INPP5D: variants seen among roughly 807,000 people sequenced by gnomAD.
INPP5D encodes the protein phosphatidylinositol 3,4,5-trisphosphate 5-phosphatase 1.
Under a neutral mutation model 122.9 loss-of-function variants are expected in INPP5D, and 33 were observed. The observed-to-expected ratio is 0.27, with a 90% CI of 0.20 to 0.36. The LOEUF (loss-of-function observed/expected upper bound fraction) is 0.36. INPP5D is among the 10% of genes least tolerant of loss of function. INPP5D has a pLI of 1.00. For synonymous variants in INPP5D, 584 were observed against 576.2 expected (o/e 1.01, Z -0.19); for missense variants, 1,053 against 1,412.7 (o/e 0.75, Z 4.08).
At position 233,204,682 on chromosome 2, in the gene INPP5D, G is replaced by A. The variant is rs1297367786; in HGVS notation, c.3532G>A (p.Gly1178Arg). The change falls in exon 26 of 27, where the codon GGG becomes AGG. Residue 1178 changes from glycine to arginine, a missense_variant. By Grantham distance (125) the Gly-to-Arg change is moderately radical. Coordinates refer to ENST00000445964, the MANE Select transcript of INPP5D (RefSeq NM_001017915.3). Reference sequence around the variant, plus strand: ...TCACGGCAAGCACCGGCCGGAGGAGGGGCCACCAGGGCCTCTAGGCAGGAC... The same window carrying A: ...TCACGGCAAGCACCGGCCGGAGGAGAGGCCACCAGGGCCTCTAGGCAGGAC... ...PHHGKHRPEE[G>R]PPGPLGRTAM... 2 of 1,559,670 alleles carry A rather than the reference G, an allele frequency of 1.3e-6. No homozygotes were observed. Among genetic ancestry groups the A allele is most frequent in the East Asian group, 2.3e-5 (1 of 43,042 alleles).
intron 22 of INPP5D, among the ~76,000 whole-genome samples, chr2:233,192,473 C>T (rs1161998633): frequency 1.3e-5 from 2 of 152,184 alleles, no homozygotes; most frequent in South Asian, 2.1e-4. Context: ...TTCATACTTA[C>T]ATCACAGAAA....
At chr2:233,129,483 G>T (rs952815943) in intron 4 of INPP5D, among the ~76,000 whole-genome samples, 2 of 152,220 alleles carry the variant, frequency 1.3e-5, no homozygotes, top group Non-Finnish European at 1.5e-5. Flanking sequence ...TTTAGGGGGC[G>T]CCCCTCGTGG....
At chr2:233,196,454 C>A (rs568718896) in intron 24 of INPP5D, among the ~76,000 whole-genome samples, 7 of 152,168 alleles carry the variant, frequency 4.6e-5, no homozygotes, top group Non-Finnish European at 7.3e-5. Flanking sequence ...GAAGTGACTG[C>A]GGAGAGAATG....
intron 5 of INPP5D, chr2:233,134,115 G>C: frequency 4.7e-6 from 2 of 428,164 alleles, no homozygotes; most frequent in South Asian, 3.3e-5. Flanking sequence ...GGGGCTGAGT[G>C]GATGCTGATG....
chr2:233,143,644 A>G (rs1373430781), intron 6 of INPP5D, among the ~76,000 whole-genome samples: 6 of 152,258 alleles, frequency 3.9e-5, no homozygotes, highest in African/African-American at 7.2e-5. Context: ...AGCTTTATTA[A>G]GAAGCAAGGG....
chr2:233,187,161 G>A (rs1694943182), intron 21 of INPP5D, among the ~76,000 whole-genome samples: 1 of 151,472 alleles, frequency 6.6e-6, no homozygotes, highest in Admixed American at 6.6e-5. Flanking sequence ...TCCAGCCTGG[G>A]TGATGCAGTG....
chr2:233,078,677 T>TTTTTG lies in INPP5D; in HGVS notation c.135-637_135-633dup, dbSNP rs376630143. ...CAAACACCCCCTCTTTTTTGTTGTT[T>TTTTTG]TTTTGTTTTGTTTTGTTTTGTTTTG... On this transcript the variant is annotated intron_variant, in intron 1 of 26. Coordinates refer to ENST00000445964, the MANE Select transcript of INPP5D (RefSeq NM_001017915.3). This position sits in a 1 kb window ranked among gnomAD's most constrained non-coding sequence, Gnocchi z 4.6. Among the ~76,000 whole-genome samples the TTTTTG allele has an allele frequency of 0.081, 12,216 of 151,588 alleles. 828 individuals carry two copies. Among genetic ancestry groups the TTTTTG allele is most frequent in the African/African-American group, 0.18 (7,472 of 41,094 alleles).
chr2:233,090,861 G>A (rs1271369576), intron 2 of INPP5D, among the ~76,000 whole-genome samples: 11 of 152,034 alleles, frequency 7.2e-5, no homozygotes, highest in Admixed American at 4.6e-4. Flanking sequence ...GGAGGCTGAG[G>A]GAAGAAGAAT....
chr2:233,085,321 GGCTGCA>G (rs1691801709), intron 2 of INPP5D, among the ~76,000 whole-genome samples: 1 of 151,948 alleles, frequency 6.6e-6, no homozygotes, highest in Admixed American at 6.6e-5. Context: ...GAGAGGCAGA[GGCTGCA>G]GCGAGCTGAG....
rs981864277 is a variant in INPP5D, at chr2:233,207,667, G to C, written c.*959G>C. ...GGCTGCCAGGGAGGGTGGGCCTCTT[G>C]GTTCCAGGCTCTTGAAATAGTGCAG... On this transcript the variant is annotated 3_prime_UTR_variant, in exon 27 of 27. Coordinates refer to ENST00000445964, the MANE Select transcript of INPP5D (RefSeq NM_001017915.3). This position sits in a 1 kb window ranked among gnomAD's most constrained non-coding sequence, Gnocchi z 4.6. 1.3e-5 allele frequency: 2 copies of C among 152,352 alleles called. No homozygotes were observed. Among genetic ancestry groups the C allele is most frequent in the African/African-American group, 4.8e-5 (2 of 41,456 alleles). The allele number at this position is 152,352 out of a possible 1,614,324, so 9.4% of individuals were successfully genotyped here. A position where few individuals can be genotyped will look rare whatever the true frequency, so the allele number is the denominator to read the frequency against.
At position 233,164,253 on chromosome 2, in the gene INPP5D, C is replaced by A; in HGVS notation, c.1438-54C>A. On this transcript the variant is annotated intron_variant, in intron 12 of 26. Coordinates refer to ENST00000445964, the MANE Select transcript of INPP5D (RefSeq NM_001017915.3). This position sits in a 1 kb window ranked among gnomAD's most constrained non-coding sequence, Gnocchi z 4.3. ...TGGGGCTGGGTGTGAATCACTGTGCCCTGGTTCACACCCTACACTTGGGCC... is the reference window on the plus strand; with the variant it reads ...TGGGGCTGGGTGTGAATCACTGTGCACTGGTTCACACCCTACACTTGGGCC... The A allele has an allele frequency of 6.6e-7, 1 of 1,505,886 alleles. No individual in the cohort carries two copies. 93.3% of individuals were successfully genotyped at this position (1,505,886 alleles called of 1,614,324 possible).
chr2:233,107,085 A>G (rs1692485752), intron 2 of INPP5D, among the ~76,000 whole-genome samples: 1 of 152,168 alleles, frequency 6.6e-6, no homozygotes, highest in Non-Finnish European at 1.5e-5. Flanking sequence ...TGATCTCAAC[A>G]TCCCAGTGGG....
At chr2:233,151,278 C>T (rs1284807754) in intron 9 of INPP5D, among the ~76,000 whole-genome samples, 2 of 151,732 alleles carry the variant, frequency 1.3e-5, no homozygotes, top group Non-Finnish European at 2.9e-5. Context: ...TTTGAGTTCA[C>T]CCTGAGCAAC....
In INPP5D at chr2:233,125,847, G is replaced by T. The variant is rs758777451; in HGVS notation, c.452G>T (p.Arg151Leu). 4.3e-6 allele frequency: 7 copies of T among 1,613,734 alleles called. No homozygotes were observed. The highest frequency in any genetic ancestry group is 5.9e-6 in the Non-Finnish European group (7 of 1,179,830). The stretch of plus-strand genomic sequence containing the variant: ...GTTCCTTTTTCAAACGAGAATCCCC[G>T]AGCGACCGAGACCAGCCGGCCGAGC... ...KEVPFSNENP[R>L]ATETSRPSLS... Residue 151 changes from arginine to leucine, a missense_variant, in exon 4 of 27, where the codon CGA (arginine) becomes CTA (leucine). Around this residue, in one of 6 missense-constraint regions of INPP5D, gnomAD observed 196 missense variants for 175.6 expected, o/e 1.12. Transcript: ENST00000445964.
rs758316571 is a variant in INPP5D, at chr2:233,204,259, C to G, written c.3109C>G (p.Gln1037Glu). 1.9e-6 allele frequency: 3 copies of G among 1,613,436 alleles called. No homozygotes were observed. The highest frequency in any genetic ancestry group is 1.3e-5 in the African/African-American group (1 of 74,906). ...CCCTAAGCCTGCTCCCAGGAAGGAC[C>G]AGGAATCCCCCAAAATGCCGCGGAA... ...SFPKPAPRKD[Q>E]ESPKMPRKEP... is the part of the protein sequence containing the mutation. Residue 1037 changes from glutamine (Q) to glutamate (E), a missense_variant, in exon 26 of 27, where the codon CAG becomes GAG. Gln to Glu is a conservative substitution (Grantham distance 29). Around this residue, in one of 6 missense-constraint regions of INPP5D, gnomAD observed 417 missense variants for 425.8 expected, o/e 0.98. Coordinates refer to ENST00000445964, the MANE Select transcript of INPP5D (RefSeq NM_001017915.3).
chr2:233,174,571 C>A (rs1454227370), intron 17 of INPP5D, among the ~76,000 whole-genome samples: 1 of 152,164 alleles, frequency 6.6e-6, no homozygotes, highest in African/African-American at 2.4e-5. Context: ...GCAGGTAAAT[C>A]ATTTGAGGCC....
rs1355517128 is a variant in INPP5D at position 233,207,739 on chromosome 2, T to A, written c.*1031T>A. ...GCTTTCAGCTCTGCTTCCTTGGTTA[T>A]TAGGAGAATAGATGGGTGATGTCTT... On this transcript the variant is annotated 3_prime_UTR_variant, in exon 27 of 27. Transcript: ENST00000445964. This position sits in a 1 kb window ranked among gnomAD's most constrained non-coding sequence, Gnocchi z 4.6. 3 of 152,388 alleles carry A rather than the reference T, an allele frequency of 2.0e-5. No homozygotes were observed. The highest frequency in any genetic ancestry group is 4.4e-5 in the Non-Finnish European group (3 of 68,048). The allele number at this position is 152,388 out of a possible 1,614,324, so 9.4% of individuals were successfully genotyped here. A position where few individuals can be genotyped will look rare whatever the true frequency, so the allele number is the denominator to read the frequency against.
At chr2:233,174,375 G>A (rs1314631345) in intron 17 of INPP5D, among the ~76,000 whole-genome samples, 2 of 152,246 alleles carry the variant, frequency 1.3e-5, no homozygotes, top group East Asian at 3.8e-4. Flanking sequence ...GGATTTTCCA[G>A]CTCCATTATA....
At chr2:233,121,121 C>CTTTTTTTTTTTTTCTTTTTT (rs369587747) in intron 2 of INPP5D, among the ~76,000 whole-genome samples, 2 of 117,652 alleles carry the variant, frequency 1.7e-5, no homozygotes, top group African/African-American at 6.1e-5. Flanking sequence ...TTCTTTCTTT[C>CTTTTTTTTTTTTTCTTTTTT]TTTTTTTTTT....
Sources: gnomAD v4.1 joint callset for allele counts (sites outside exome capture counted in the v4.1 genomes callset) on GRCh38, gnomAD v4.1.1 for gene constraint, gnomAD v4.1.1 regional missense constraint, Gnocchi (gnomAD v3.1) non-coding constraint, MANE v1.5 for transcripts, NCBI Gene and HGNC (gene_info 2026-07-23, HGNC 2026-07-21) for gene names.